The following FAM53A variants were observed in gnomAD, a reference collection of about 807,000 sequenced individuals.
FAM53A encodes protein FAM53A.
A neutral mutation model predicts 26.6 loss-of-function variants in FAM53A; 28 were observed. That is an observed-to-expected ratio of 1.05 (90% CI 0.78 to 1.45). FAM53A has a LOEUF of 1.45. Among genes scored for constraint, FAM53A ranks in the 40% most tolerant of loss-of-function variants. The probability of loss-of-function intolerance (pLI) is 0.00; values close to 1 mark genes in which losing one functional copy is unlikely to be tolerated. For synonymous variants in FAM53A, 290 were observed against 253.1 expected (o/e 1.15, Z -1.38); for missense variants, 650 against 575.8 (o/e 1.13, Z -1.32).
the FAM53A span, among the ~76,000 whole-genome samples, chr4:1,597,387 C>T: frequency 1.3e-5 from 2 of 152,222 alleles, no homozygotes; most frequent in South Asian, 2.1e-4. Context: ...CCACGTCTAC[C>T]CCCAACTCAG....
chr4:1,641,303 T>C lies in FAM53A; in HGVS notation c.1187A>G (p.Glu396Gly). ...ARWELDLEQIENN is the reference protein window; with the variant it reads ...ARWELDLEQIGNN ...CAGCCCCCACCAGCCTCAGTTGTTC[T>C]CGATCTGCTCCAGGTCCAGCTCCCA... Residue 396 changes from glutamate (E) to glycine (G), a missense_variant, in exon 5 of 5, where the codon GAG becomes GGG. Glu to Gly is a moderately conservative substitution (Grantham distance 98, BLOSUM62 -2). Coordinates refer to ENST00000308132, the MANE Select transcript of FAM53A (RefSeq NM_001174070.3). 6.2e-7 allele frequency: 1 copy of C among 1,612,996 alleles called. No homozygotes were observed. Among genetic ancestry groups the C allele is most frequent in the Non-Finnish European group, 8.5e-7 (1 of 1,179,882 alleles).
At chr4:1,624,028 G>A (rs370228951) in intron 1 of FAM53A, among the ~76,000 whole-genome samples, 28 of 152,124 alleles carry the variant, frequency 1.8e-4, no homozygotes, top group African/African-American at 5.6e-4. Flanking sequence ...TGAGATTCCC[G>A]TCCCACATTT....
chr4:1,635,523 C>A (rs1278231690), downstream of FAM53A, among the ~76,000 whole-genome samples: 4 of 152,148 alleles, frequency 2.6e-5, no homozygotes, highest in Admixed American at 6.5e-5. Flanking sequence ...ATCCTCCCCG[C>A]TGTTGGCCTT....
At chr4:1,676,289 G>A (rs181601732) in intron 1 of FAM53A, among the ~76,000 whole-genome samples, 4 of 152,190 alleles carry the variant, frequency 2.6e-5, no homozygotes, top group South Asian at 2.1e-4. Flanking sequence ...TCTTCCCACC[G>A]CATTCTCCCT....
chr4:1,621,053 G>A (rs1017287905), intron 1 of FAM53A, among the ~76,000 whole-genome samples: 4 of 149,600 alleles, frequency 2.7e-5, no homozygotes, highest in South Asian at 4.3e-4. Flanking sequence ...AAGAAAGAAG[G>A]AACACAAAGA....
At chr4:1,604,196 C>T in the FAM53A span, among the ~76,000 whole-genome samples, 4 of 152,288 alleles carry the variant, frequency 2.6e-5, no homozygotes, top group South Asian at 4.1e-4. Context: ...CAGGATGGTC[C>T]CAGGCTGTGT....
At chr4:1,579,155 G>T in the FAM53A span, among the ~76,000 whole-genome samples, 1 of 151,294 alleles carries the variant, frequency 6.6e-6, no homozygotes, top group East Asian at 2.0e-4. Flanking sequence ...GCGCCTCCAG[G>T]GGCTCCCGTC....
Position 1,659,527 on chromosome 4 carries a change from T to A in FAM53A, c.76-2059A>T, listed in dbSNP as rs1713673040. On this transcript the variant is annotated intron_variant, in intron 2 of 4. Transcript: ENST00000308132. The surrounding 1 kb of genome is among the most constrained non-coding windows in gnomAD (Gnocchi z 5.2). Reference sequence around the variant, plus strand: ...AGCCACAGGCCCGCACGGTCCCAAATGTGACCACCTCTATGCAAAGACACG... The same window carrying A: ...AGCCACAGGCCCGCACGGTCCCAAAAGTGACCACCTCTATGCAAAGACACG... Among the ~76,000 whole-genome samples, 1 of 152,138 alleles carries A rather than the reference T, an allele frequency of 6.6e-6. No individual in the cohort carries two copies. Among genetic ancestry groups the A allele is most frequent in the African/African-American group, 2.4e-5 (1 of 41,418 alleles).
chr4:1,654,480 G>A (rs1713141397), intron 4 of FAM53A, among the ~76,000 whole-genome samples: 1 of 152,274 alleles, frequency 6.6e-6, no homozygotes, highest in African/African-American at 2.4e-5. Context: ...GGAGGTGCCT[G>A]TACAGTCCCA....
intron 1 of FAM53A, among the ~76,000 whole-genome samples, chr4:1,673,460 G>A (rs564997103): frequency 2.6e-5 from 4 of 152,368 alleles, no homozygotes; most frequent in African/African-American, 4.8e-5. Flanking sequence ...CAGGCTGGGC[G>A]CGGTGGCTCA....
At chr4:1,609,902 G>A in the FAM53A span, among the ~76,000 whole-genome samples, 6,058 of 152,166 alleles carry the variant, frequency 0.04, 362 homozygotes, top group African/African-American at 0.14. Flanking sequence ...GGCAGAGGCT[G>A]CAGTGAGCCG....
downstream of FAM53A, among the ~76,000 whole-genome samples, chr4:1,615,399 T>TGCGGCCACAC (rs1714777062): frequency 5.3e-4 from 16 of 29,982 alleles, no homozygotes; most frequent in Admixed American, 7.1e-4. Context: ...TGCGGCCACA[T>TGCGGCCACAC]CCACCCCACC....
chr4:1,609,999 A>C, the FAM53A span, among the ~76,000 whole-genome samples: 9 of 151,884 alleles, frequency 5.9e-5, no homozygotes, highest in South Asian at 8.4e-4. Flanking sequence ...TAAATTACAC[A>C]GTTCTTTATA....
the FAM53A span, among the ~76,000 whole-genome samples, chr4:1,609,622 A>T: frequency 1.3e-5 from 2 of 152,052 alleles, no homozygotes; most frequent in African/African-American, 4.8e-5. Context: ...CATCAGGGTT[A>T]TAAGTTTCCT....
At chr4:1,613,600 C>T (rs372921087), downstream of FAM53A, among the ~76,000 whole-genome samples, 3 of 152,196 alleles carry the variant, frequency 2.0e-5, no homozygotes, top group South Asian at 2.1e-4. Flanking sequence ...CACCGACGTG[C>T]GTGGCTATGC....
intron 2 of FAM53A, among the ~76,000 whole-genome samples, chr4:1,660,506 T>C (rs1277217153): frequency 6.6e-6 from 1 of 150,650 alleles, no homozygotes; most frequent in East Asian, 2.0e-4. Flanking sequence ...GGAGGATTGC[T>C]TGGGCTAGGG....
At chr4:1,620,835 C>T (rs1265753241) in intron 1 of FAM53A, among the ~76,000 whole-genome samples, 1 of 152,186 alleles carries the variant, frequency 6.6e-6, no homozygotes, top group Non-Finnish European at 1.5e-5. Context: ...GTAGCAGCAA[C>T]CACAGCAAAA....
At chr4:1,595,507 G>A in the FAM53A span, among the ~76,000 whole-genome samples, 3 of 152,204 alleles carry the variant, frequency 2.0e-5, no homozygotes, top group African/African-American at 4.8e-5. Context: ...CTGACACTAC[G>A]TGGCTGGTGG....
the FAM53A span, among the ~76,000 whole-genome samples, chr4:1,578,654 A>ACC: frequency 6.9e-6 from 1 of 144,290 alleles, no homozygotes; most frequent in Non-Finnish European, 1.5e-5. Context: ...CGAGGTCGCG[A>ACC]CCCCCCTACC....
Sources: allele counts gnomAD v4.1 joint callset (sites outside exome capture counted in the v4.1 genomes callset), GRCh38; gene constraint gnomAD v4.1.1; non-coding constraint Gnocchi (gnomAD v3.1); transcripts MANE v1.5; gene names NCBI Gene and HGNC (gene_info 2026-07-23, HGNC 2026-07-21).